HDAC9: variants seen among roughly 807,000 people sequenced by gnomAD.
HDAC9 encodes MEF-2 interacting transcription repressor (MITR) protein.
In HDAC9, 41 loss-of-function variants were observed where a neutral mutation model predicts 139.4. The ratio of observed to expected loss-of-function variants is 0.29; its 90% CI spans 0.23 to 0.38. The LOEUF is 0.38. Among genes scored for constraint, HDAC9 ranks in the 10% least tolerant of loss-of-function variants. HDAC9 has a pLI of 1.00. For synonymous variants in HDAC9, 517 were observed against 476.2 expected, an observed-to-expected ratio of 1.09 and a Z score of -1.12; for missense variants, 1,147 against 1,297.0, an observed-to-expected ratio of 0.88 and a Z score of 1.78.
intron 2 of HDAC9, among the ~76,000 whole-genome samples, chr7:18,516,862 GAAAAAAAAA>G (rs35689821): frequency 1.8e-5 from 1 of 55,090 alleles, no homozygotes; most frequent in African/African-American, 6.5e-5. Context: ...CTCCATTTCA[GAAAAAAAAA>G]AAAAAAAAAA....
At chr7:18,531,147 T>G (rs915294929) in intron 2 of HDAC9, among the ~76,000 whole-genome samples, 1 of 152,104 alleles carries the variant, frequency 6.6e-6, no homozygotes, top group African/African-American at 2.4e-5. Context: ...CAAACTATAC[T>G]TACTTTATTC....
intron 1 of HDAC9, among the ~76,000 whole-genome samples, chr7:18,108,273 A>G (rs900903701): frequency 1.3e-5 from 2 of 152,322 alleles, no homozygotes; most frequent in Admixed American, 1.3e-4. Context: ...CACAGATTCA[A>G]GTAGCAATGA....
At chr7:18,520,044 G>T (rs1586612486) in intron 2 of HDAC9, among the ~76,000 whole-genome samples, 1 of 151,908 alleles carries the variant, frequency 6.6e-6, no homozygotes, top group Non-Finnish European at 1.5e-5. Flanking sequence ...TATTGTTGTA[G>T]TAGGAGCAGA....
At chr7:18,199,810 C>T (rs1790987539) in intron 2 of HDAC9, among the ~76,000 whole-genome samples, 1 of 149,372 alleles carries the variant, frequency 6.7e-6, no homozygotes, top group African/African-American at 2.5e-5. Flanking sequence ...ATCTGTAGTC[C>T]TACCACGCAG....
At chr7:18,738,035 A>G (rs1787088048) in intron 13 of HDAC9, among the ~76,000 whole-genome samples, 1 of 151,886 alleles carries the variant, frequency 6.6e-6, no homozygotes, top group Non-Finnish European at 1.5e-5. Context: ...GTCTCTTTTG[A>G]TCTTTGTTGG....
rs182569524 is a variant in HDAC9 at position 18,598,742 on chromosome 7, C to G, written c.664+4713C>G. 1.8e-3 allele frequency among the ~76,000 whole-genome samples: 272 copies of G among 152,282 alleles called. 3 individuals are homozygous for G. Among genetic ancestry groups the G allele is most frequent in the Non-Finnish European group, 1.3e-3 (91 of 68,018 alleles). ...CTTTTTAATGTCTTACATTCTTCTA[C>G]CTTTATTAATAGAACAACCAAACTA... is the stretch of plus-strand genomic sequence containing the variant. On this transcript the variant is annotated intron_variant, in intron 6 of 25. Coordinates refer to ENST00000686413, the MANE Select transcript of HDAC9 (RefSeq NM_178425.4).
chr7:18,864,350 A>G (rs1316689607), intron 21 of HDAC9, among the ~76,000 whole-genome samples: 1 of 152,192 alleles, frequency 6.6e-6, no homozygotes, highest in Non-Finnish European at 1.5e-5. Flanking sequence ...CAGACAGTGC[A>G]ATGGTTGCCA....
At chr7:18,532,989 C>T (rs929791099) in intron 2 of HDAC9, among the ~76,000 whole-genome samples, 1 of 152,102 alleles carries the variant, frequency 6.6e-6, no homozygotes, top group African/African-American at 2.4e-5. Flanking sequence ...TGCACACACA[C>T]AAATATGTAC....
intron 1 of HDAC9, among the ~76,000 whole-genome samples, chr7:18,465,814 T>A (rs559272531): frequency 6.6e-6 from 1 of 152,334 alleles, no homozygotes; most frequent in East Asian, 1.9e-4. Context: ...GTAAATTTGT[T>A]AAAAATCCCT....
chr7:18,647,757 T>A (rs1787905212), intron 9 of HDAC9, 28 bp from the exon 10 acceptor site: 1 of 1,564,214 alleles, frequency 6.4e-7, no homozygotes, highest in African/African-American at 1.4e-5. Context: ...TGAAAGAGGA[T>A]TAACATCTTT....
intron 1 of HDAC9, among the ~76,000 whole-genome samples, chr7:18,397,370 A>G (rs776409135): frequency 6.6e-6 from 1 of 152,198 alleles, no homozygotes; most frequent in Non-Finnish European, 1.5e-5. Context: ...TTTTTATTAC[A>G]GAAAGAAAAA....
chr7:18,251,955 A>G (rs567841232), intron 2 of HDAC9, among the ~76,000 whole-genome samples: 1 of 152,324 alleles, frequency 6.6e-6, no homozygotes, highest in Non-Finnish European at 1.5e-5. Context: ...TGCACTTTCC[A>G]TGAATGATGG....
At chr7:18,120,612 C>T (rs527743837) in intron 1 of HDAC9, among the ~76,000 whole-genome samples, 15 of 150,002 alleles carry the variant, frequency 1.0e-4, no homozygotes, top group African/African-American at 2.5e-4. Context: ...GGGTAGGCAG[C>T]GGGGAGAAAA....
chr7:18,796,554 C>T (rs1456207323), intron 17 of HDAC9, among the ~76,000 whole-genome samples: 1 of 152,140 alleles, frequency 6.6e-6, no homozygotes, highest in Non-Finnish European at 1.5e-5. Flanking sequence ...TCAGACTTTC[C>T]AAGTTTTTAA....
At chr7:18,125,449 G>A (rs1426092159) in intron 1 of HDAC9, among the ~76,000 whole-genome samples, 3 of 152,116 alleles carry the variant, frequency 2.0e-5, no homozygotes, top group African/African-American at 7.2e-5. Context: ...GTGTGTGTGT[G>A]TGTGTGTTAA....
intron 2 of HDAC9, among the ~76,000 whole-genome samples, chr7:18,563,412 A>G (rs993699232): frequency 6.6e-6 from 1 of 151,968 alleles, no homozygotes; most frequent in Non-Finnish European, 1.5e-5. Context: ...CAGTTATTCA[A>G]TGGTTATGTT....
intron 2 of HDAC9, among the ~76,000 whole-genome samples, chr7:18,544,719 A>G (rs1020161970): frequency 2.0e-5 from 3 of 152,212 alleles, no homozygotes; most frequent in African/African-American, 7.2e-5. Context: ...GAAACTAAGG[A>G]AAGACAGTAT....
At chr7:18,393,866 C>CGGAACAAT (rs1786775387) in intron 1 of HDAC9, among the ~76,000 whole-genome samples, 2 of 152,140 alleles carry the variant, frequency 1.3e-5, no homozygotes, top group Admixed American at 6.6e-5. Context: ...AAGCCACGCA[C>CGGAACAAT]GGAACAATGG....
At chr7:18,354,612 C>T (rs1585327248) in intron 1 of HDAC9, among the ~76,000 whole-genome samples, 1 of 152,196 alleles carries the variant, frequency 6.6e-6, no homozygotes, top group East Asian at 1.9e-4. Flanking sequence ...GCATCAATTG[C>T]TTAGGAGAAA....
Sources: allele counts gnomAD v4.1 joint callset (sites outside exome capture counted in the v4.1 genomes callset), GRCh38; gene constraint gnomAD v4.1.1; transcripts MANE v1.5; gene names NCBI Gene and HGNC (gene_info 2026-07-23, HGNC 2026-07-21).